ATRN: variants seen among roughly 807,000 people sequenced by gnomAD.
ATRN encodes the protein attractin-2.
Under a neutral mutation model 178.7 loss-of-function variants are expected in ATRN, and 54 were observed. The ratio of observed to expected loss-of-function variants is 0.30; its 90% CI spans 0.24 to 0.38. The LOEUF is 0.38. Among genes scored for constraint, ATRN ranks in the 10% least tolerant of loss-of-function variants. ATRN has a pLI of 1.00. For missense variants in ATRN, 1,443 were observed against 1,815.1 expected, an observed-to-expected ratio of 0.79 and a Z score of 3.73; for synonymous variants, 636 against 663.0, an observed-to-expected ratio of 0.96 and a Z score of 0.63.
chr20:3,500,661 G>A (rs1052286354), intron 1 of ATRN, among the ~76,000 whole-genome samples: 1 of 133,632 alleles, frequency 7.5e-6, no homozygotes, highest in African/African-American at 2.8e-5. Context: ...ACAGGAAGGG[G>A]AACATCACAC....
intron 1 of ATRN, among the ~76,000 whole-genome samples, chr20:3,499,838 T>C (rs2084931632): frequency 6.8e-6 from 1 of 147,254 alleles, no homozygotes; most frequent in Admixed American, 6.8e-5. Context: ...ACAAATGGGA[T>C]CTAATTAAAC....
At chr20:3,494,675 G>A (rs998856124) in intron 1 of ATRN, among the ~76,000 whole-genome samples, 1 of 152,184 alleles carries the variant, frequency 6.6e-6, no homozygotes, top group Non-Finnish European at 1.5e-5. Flanking sequence ...ATAAAAGAAG[G>A]GGATTTAATG....
At chr20:3,510,812 G>A (rs2085116577) in intron 1 of ATRN, among the ~76,000 whole-genome samples, 1 of 152,032 alleles carries the variant, frequency 6.6e-6, no homozygotes, top group South Asian at 2.1e-4. Context: ...AGCAGTCTGT[G>A]GGGAGATGCT....
Position 3,582,349 on chromosome 20 carries a change from G to A in ATRN, c.2759G>A (p.Arg920Lys). The change falls in exon 16 of 29, where the codon AGG becomes AAG. Residue 920 changes from arginine to lysine, a missense_variant. Coordinates refer to ENST00000262919, the MANE Select transcript of ATRN (RefSeq NM_139321.3). Reference protein sequence around the residue: ...INPLNGSVCERPANHSAKQCR... With the variant: ...INPLNGSVCEKPANHSAKQCR... ...CCACTCAATGGTAGTGTCTGTGAAA[G>A]GCCTGGTAAGTTCACAGGTGAATTA... 1 of 1,612,080 alleles carries A rather than the reference G, an allele frequency of 6.2e-7. No homozygotes were observed. Among genetic ancestry groups the A allele is most frequent in the Non-Finnish European group, 8.5e-7 (1 of 1,179,892 alleles).
intron 24 of ATRN, among the ~76,000 whole-genome samples, chr20:3,614,494 C>T (rs187125508): frequency 9.9e-5 from 15 of 152,264 alleles, no homozygotes; most frequent in Non-Finnish European, 1.8e-4. Flanking sequence ...CAAGTAAAGG[C>T]AACACAGAAT....
chr20:3,514,655 C>G (rs1411974284), intron 1 of ATRN, among the ~76,000 whole-genome samples: 1 of 152,044 alleles, frequency 6.6e-6, no homozygotes, highest in African/African-American at 2.4e-5. Flanking sequence ...CTTTAACAAA[C>G]TAGGAATGGA....
chr20:3,554,990 CTTTTTTTTTTTT>C (rs536209701), intron 6 of ATRN, among the ~76,000 whole-genome samples: 66 of 67,488 alleles, frequency 9.8e-4, no homozygotes, highest in African/African-American at 3.9e-3. Flanking sequence ...GACCTGACCT[CTTTTTTTTTTTT>C]TTTTTTTTTT....
intron 1 of ATRN, among the ~76,000 whole-genome samples, chr20:3,523,582 C>T (rs899806797): frequency 2.6e-5 from 4 of 152,110 alleles, no homozygotes; most frequent in Non-Finnish European, 5.9e-5. Context: ...CAAAGATACT[C>T]CTTGAGAAGA....
intron 3 of ATRN, among the ~76,000 whole-genome samples, chr20:3,541,148 G>A (rs1425559690): frequency 1.3e-5 from 2 of 150,482 alleles, no homozygotes; most frequent in African/African-American, 2.4e-5. Flanking sequence ...CGCGATCTCG[G>A]CTCACTGCAA....
chr20:3,481,704 A>G (rs888603853), intron 1 of ATRN, among the ~76,000 whole-genome samples: 1 of 150,260 alleles, frequency 6.7e-6, no homozygotes, highest in African/African-American at 2.5e-5. Flanking sequence ...GGTGGACTTC[A>G]GTTCTAGCTG....
At chr20:3,616,561 C>A (rs569222963) in intron 24 of ATRN, among the ~76,000 whole-genome samples, 1 of 152,206 alleles carries the variant, frequency 6.6e-6, no homozygotes, top group South Asian at 2.1e-4. Context: ...AGGAGTTTAG[C>A]AGAGCTGGTG....
In ATRN at chr20:3,646,938, C is replaced by T. The variant is rs1041018988; in HGVS notation, c.*91C>T. 14 of 1,478,848 alleles carry T rather than the reference C, an allele frequency of 9.5e-6. No individual in the cohort carries two copies. Among genetic ancestry groups the T allele is most frequent in the African/African-American group, 2.8e-5 (2 of 71,524 alleles). 91.6% of individuals were successfully genotyped at this position (1,478,848 alleles called of 1,614,324 possible). Reference sequence around the variant, plus strand: ...AGGGCGTGGCGGGGAAATGGCTGTGCGGTGCGGGACGGAAGACTGGAAACC... The same window carrying T: ...AGGGCGTGGCGGGGAAATGGCTGTGTGGTGCGGGACGGAAGACTGGAAACC... On this transcript the variant is annotated 3_prime_UTR_variant, in exon 29 of 29. Coordinates refer to ENST00000262919, the MANE Select transcript of ATRN (RefSeq NM_139321.3).
intron 1 of ATRN, among the ~76,000 whole-genome samples, chr20:3,484,178 G>A (rs543177708): frequency 7.3e-4 from 111 of 151,802 alleles, no homozygotes; most frequent in African/African-American, 2.5e-3. Flanking sequence ...GAGCCCAGCA[G>A]TTTGAGGCTG....
At position 3,582,253 on chromosome 20, in the gene ATRN, G is replaced by C; in HGVS notation, c.2663G>C (p.Ser888Thr). Residue 888 changes from serine to threonine, a missense_variant, in exon 16 of 29, where the codon AGT becomes ACT. Ser to Thr is a moderately conservative substitution (Grantham distance 58). Transcript: ENST00000262919. ...SLLQWMPSEPSDAGFCGILSE... is the reference protein window; with the variant it reads ...SLLQWMPSEPTDAGFCGILSE... The stretch of plus-strand genomic sequence containing the variant: ...CTACAGTGGATGCCGTCTGAGCCCA[G>C]TGATGCTGGATTCTGTGGAATTTTA... 6.2e-7 allele frequency: 1 copy of C among 1,613,772 alleles called. No individual in the cohort carries two copies. Among genetic ancestry groups the C allele is most frequent in the Non-Finnish European group, 8.5e-7 (1 of 1,180,026 alleles).
chr20:3,505,281 C>T (rs971069249), intron 1 of ATRN, among the ~76,000 whole-genome samples: 2 of 152,194 alleles, frequency 1.3e-5, no homozygotes, highest in African/African-American at 4.8e-5. Context: ...GAACTCCAGG[C>T]TCTCTGGCCC....
chr20:3,515,543 T>TTAAGGTACATAA (rs2085195758), intron 1 of ATRN, among the ~76,000 whole-genome samples: 1 of 152,304 alleles, frequency 6.6e-6, no homozygotes, highest in East Asian at 1.9e-4. Flanking sequence ...ATTTACCTTA[T>TTAAGGTACATAA]GTACCTTAAT....
intron 12 of ATRN, 41 bp from the exon 13 acceptor site, chr20:3,575,786 T>G: frequency 6.4e-7 from 1 of 1,567,674 alleles, no homozygotes. Context: ...TTTTGCTCAA[T>G]TGAAGTTGTC....
rs942886632 is a variant in ATRN, at chr20:3,650,541, C to T, written c.*3694C>T. 2 of 152,246 alleles carry T rather than the reference C, an allele frequency of 1.3e-5. No individual in the cohort carries two copies. Among genetic ancestry groups the T allele is most frequent in the East Asian group, 3.8e-4 (2 of 5,198 alleles). 9.4% of individuals were successfully genotyped at this position (152,246 alleles called of 1,614,324 possible). A position where few individuals can be genotyped will look rare whatever the true frequency, so the allele number is the denominator to read the frequency against. ...CTGCCTACCTTCTGAAATGTTTACC[C>T]CATTGACCAAACTTGGCTCCAGCCA... On this transcript the variant is annotated 3_prime_UTR_variant, in exon 29 of 29. Coordinates refer to ENST00000262919, the MANE Select transcript of ATRN (RefSeq NM_139321.3).
intron 25 of ATRN, among the ~76,000 whole-genome samples, chr20:3,630,597 G>A (rs2086982194): frequency 6.6e-6 from 1 of 152,148 alleles, no homozygotes; most frequent in Non-Finnish European, 1.5e-5. Context: ...TGCCAAGTAC[G>A]TACAGCCTGG....
Sources: allele counts gnomAD v4.1 joint callset (sites outside exome capture counted in the v4.1 genomes callset), GRCh38; gene constraint gnomAD v4.1.1; transcripts MANE v1.5; gene names NCBI Gene and HGNC (gene_info 2026-07-23, HGNC 2026-07-21).